The following ARL15 variants were observed in gnomAD, a reference collection of about 807,000 sequenced individuals.
ARL15 encodes the protein ADP-ribosylation factor-like protein 15.
ARL15 carries 19 observed loss-of-function variants against 25.2 expected under a neutral mutation model. That is an observed-to-expected ratio of 0.75 (90% CI 0.53 to 1.10). The LOEUF is 1.10. Ranked by LOEUF, ARL15 falls within the 50% of genes least tolerant of loss-of-function variation. The pLI is 0.00. For missense variants in ARL15, 220 were observed against 246.0 expected (o/e 0.89, Z 0.71); for synonymous variants, 94 against 86.8 (o/e 1.08, Z -0.46).
intron 4 of ARL15, among the ~76,000 whole-genome samples, chr5:53,981,000 A>G (rs1051847381): frequency 1.3e-5 from 2 of 152,106 alleles, no homozygotes; most frequent in African/African-American, 4.8e-5. Context: ...AAGCAACACA[A>G]TAAAAAAACT....
At chr5:54,029,704 A>C (rs1364408113) in intron 4 of ARL15, among the ~76,000 whole-genome samples, 1 of 152,066 alleles carries the variant, frequency 6.6e-6, no homozygotes, top group Non-Finnish European at 1.5e-5. Context: ...ATAAAAAATA[A>C]AAAGAATGGC....
chr5:54,046,195 A>C (rs1750505010), intron 4 of ARL15, among the ~76,000 whole-genome samples: 1 of 152,086 alleles, frequency 6.6e-6, no homozygotes, highest in Admixed American at 6.6e-5. Context: ...TTAAAAATAG[A>C]ATGGGCTGGG....
chr5:54,207,934 G>A (rs567901249), intron 1 of ARL15, among the ~76,000 whole-genome samples: 1 of 152,294 alleles, frequency 6.6e-6, no homozygotes, highest in Admixed American at 6.5e-5. Context: ...TTTCTGTACT[G>A]AAGATCACTA....
At chr5:54,278,658 G>A (rs1757979638) in intron 1 of ARL15, among the ~76,000 whole-genome samples, 1 of 152,058 alleles carries the variant, frequency 6.6e-6, no homozygotes, top group Non-Finnish European at 1.5e-5. Context: ...TTTGTTCTGG[G>A]CTTTGGAAGC....
chr5:54,029,308 CCACCACCACCACCACCACCACCACT>C (rs1749887743), intron 4 of ARL15, among the ~76,000 whole-genome samples: 1 of 114,848 alleles, frequency 8.7e-6, no homozygotes. Flanking sequence ...AAAACAGTTA[CCACCACCACCACCACCACCACCACT>C]ACCACCACCA....
At chr5:54,257,124 C>G (rs998227580) in intron 1 of ARL15, among the ~76,000 whole-genome samples, 2 of 152,024 alleles carry the variant, frequency 1.3e-5, no homozygotes, top group African/African-American at 4.8e-5. Flanking sequence ...TAAAGGGAAC[C>G]CAAGTTGGAA....
At position 54,121,135 on chromosome 5, in the gene ARL15, C is replaced by T. The variant is rs866583809; in HGVS notation, c.254-7725G>A. On this transcript the variant is annotated intron_variant, in intron 3 of 4. Coordinates refer to ENST00000504924, the MANE Select transcript of ARL15 (RefSeq NM_019087.3). ...AGTGGAATAGTAAATTTGTCCCTCACTTTGAGTGTTTTTTCGTCTGTGACT... is the reference window on the plus strand; with the variant it reads ...AGTGGAATAGTAAATTTGTCCCTCATTTTGAGTGTTTTTTCGTCTGTGACT... Among the ~76,000 whole-genome samples the T allele has an allele frequency of 9.8e-5, 15 of 152,290 alleles. No individual in the cohort carries two copies. In the South Asian group the frequency reaches 2.7e-3, roughly 27 times the overall value.
intron 4 of ARL15, among the ~76,000 whole-genome samples, chr5:54,098,826 G>A (rs917705641): frequency 1.5e-4 from 23 of 152,214 alleles, no homozygotes; most frequent in African/African-American, 5.5e-4. Context: ...ACCCATTCTA[G>A]GAAATCCAGT....
chr5:54,259,246 A>G (rs879403386), intron 1 of ARL15, among the ~76,000 whole-genome samples: 18 of 152,190 alleles, frequency 1.2e-4, no homozygotes, highest in Non-Finnish European at 2.1e-4. Flanking sequence ...ACATACTCAT[A>G]TATGCACACA....
At position 54,086,141 on chromosome 5, in the gene ARL15, C is replaced by T. The variant is rs556987252; in HGVS notation, c.462+27061G>A. The stretch of plus-strand genomic sequence containing the variant: ...GTTGGTCAGAGTGGTCTCGACCTCC[C>T]GACCTCAGGTGATCCGCCCGCCTCG... On this transcript the variant is annotated intron_variant, in intron 4 of 4. Coordinates refer to ENST00000504924, the MANE Select transcript of ARL15 (RefSeq NM_019087.3). Among the ~76,000 whole-genome samples the T allele has an allele frequency of 3.3e-5, 5 of 152,126 alleles. No homozygotes were observed. In the East Asian group the frequency reaches 7.8e-4, roughly 24 times the overall value.
chr5:53,988,386 G>T (rs1223463685), intron 4 of ARL15, among the ~76,000 whole-genome samples: 1 of 151,652 alleles, frequency 6.6e-6, no homozygotes, highest in African/African-American at 2.4e-5. Flanking sequence ...AAACTACATG[G>T]ACAATAGCCC....
At chr5:53,888,252 C>CT (rs201629335) in intron 4 of ARL15, among the ~76,000 whole-genome samples, 6,759 of 151,458 alleles carry the variant, frequency 0.045, 219 homozygotes, top group Non-Finnish European at 0.073. Context: ...TGTTGTTTTT[C>CT]TTTTTTTGTT....
At chr5:54,033,187 A>C (rs2111905230) in intron 4 of ARL15, among the ~76,000 whole-genome samples, 1 of 151,416 alleles carries the variant, frequency 6.6e-6, no homozygotes, top group East Asian at 2.0e-4. Flanking sequence ...GTGGCGCATG[A>C]CTGTAATCCC....
At chr5:54,056,522 C>G (rs547308608) in intron 4 of ARL15, among the ~76,000 whole-genome samples, 1 of 150,346 alleles carries the variant, frequency 6.7e-6, no homozygotes. Flanking sequence ...CCCAGCTACT[C>G]GGGAGGCTGA....
At chr5:54,211,467 C>CTTTTTTTTTTTT (rs57554255) in intron 1 of ARL15, among the ~76,000 whole-genome samples, 1 of 119,628 alleles carries the variant, frequency 8.4e-6, no homozygotes, top group Non-Finnish European at 1.7e-5. Flanking sequence ...AAATGAAACA[C>CTTTTTTTTTTTT]TTTTTTTTTT....
At chr5:54,147,745 T>C (rs1034923914) in intron 3 of ARL15, among the ~76,000 whole-genome samples, 1 of 152,214 alleles carries the variant, frequency 6.6e-6, no homozygotes, top group Non-Finnish European at 1.5e-5. Context: ...CTTTCTCCTA[T>C]ACCAGCAAGA....
At chr5:54,105,359 G>A (rs1047507466) in intron 4 of ARL15, among the ~76,000 whole-genome samples, 7 of 152,038 alleles carry the variant, frequency 4.6e-5, no homozygotes, top group African/African-American at 1.4e-4. Context: ...GATCTAAAGT[G>A]TGAAGATCAC....
intron 4 of ARL15, among the ~76,000 whole-genome samples, chr5:54,042,189 T>G (rs2111950164): frequency 6.6e-6 from 1 of 152,268 alleles, no homozygotes; most frequent in East Asian, 1.9e-4. Flanking sequence ...CAGGCTGGTC[T>G]TGAACTCCTA....
intron 4 of ARL15, among the ~76,000 whole-genome samples, chr5:53,933,766 T>C (rs906198151): frequency 1.1e-4 from 17 of 152,216 alleles, no homozygotes; most frequent in Middle Eastern, 3.4e-3. Flanking sequence ...AATCTATGCT[T>C]TCTTCTAAGT....
Sources: gnomAD v4.1 joint callset for allele counts (sites outside exome capture counted in the v4.1 genomes callset) on GRCh38, gnomAD v4.1.1 for gene constraint, MANE v1.5 for transcripts, NCBI Gene and HGNC (gene_info 2026-07-23, HGNC 2026-07-21) for gene names.